The following MRRF variants were observed in gnomAD, a reference collection of about 807,000 sequenced individuals.
The protein encoded by MRRF is mitochondrial ribosome recycling factor.
MRRF carries 18 observed loss-of-function variants against 25.1 expected under a neutral mutation model. The observed-to-expected ratio is 0.72, with a 90% CI of 0.50 to 1.06. The LOEUF is 1.06. Ranked by LOEUF, MRRF falls within the 50% of genes least tolerant of loss-of-function variation. The probability of loss-of-function intolerance (pLI) is 0.00; values close to 1 mark genes in which losing one functional copy is unlikely to be tolerated. For missense variants in MRRF, 323 were observed against 319.3 expected, an observed-to-expected ratio of 1.01 and a Z score of -0.09; for synonymous variants, 113 against 112.1, an observed-to-expected ratio of 1.01 and a Z score of -0.05.
At chr9:122,309,407 C>G (rs1303022632) in intron 5 of MRRF, among the ~76,000 whole-genome samples, 4 of 152,160 alleles carry the variant, frequency 2.6e-5, no homozygotes, top group Admixed American at 2.6e-4. Flanking sequence ...CTTCTTCTTT[C>G]TATACTATCA....
chr9:122,292,851 T>C (rs1833864009), intron 5 of MRRF, among the ~76,000 whole-genome samples: 1 of 152,144 alleles, frequency 6.6e-6, no homozygotes, highest in Non-Finnish European at 1.5e-5. Flanking sequence ...CAGCAAAAGA[T>C]TTAAATCCCT....
chr9:122,322,863 G>A lies in MRRF; in HGVS notation c.*246G>A, dbSNP rs1237506517. 1.0e-5 allele frequency: 6 copies of A among 580,730 alleles called. No individual in the cohort carries two copies. The highest frequency in any genetic ancestry group is 9.3e-5 in the African/African-American group (5 of 53,642). The allele number at this position is 580,730 out of a possible 1,614,324, so 36.0% of individuals were successfully genotyped here. ...CTGCTGGCAAAAGGCCTGTACTCAG[G>A]CATTTGCTTTGACTTGATGTTGCCA... is the stretch of plus-strand genomic sequence containing the variant. On this transcript the variant is annotated 3_prime_UTR_variant, in exon 7 of 7. Coordinates refer to ENST00000344641, the MANE Select transcript of MRRF (RefSeq NM_138777.5).
intron 2 of MRRF, among the ~76,000 whole-genome samples, chr9:122,278,817 A>G (rs1369759564): frequency 4.0e-5 from 6 of 151,498 alleles, no homozygotes; most frequent in Non-Finnish European, 7.4e-5. Context: ...CAGTCACAAC[A>G]TGTCTAGGTG....
At chr9:122,322,508 T>TA in intron 6 of MRRF, 32 bp from the exon 7 acceptor site, 1 of 1,603,578 alleles carries the variant, frequency 6.2e-7, no homozygotes, top group Non-Finnish European at 8.5e-7. Context: ...CCAGCCCCAT[T>TA]AATCAGGCTG....
At chr9:122,304,924 T>C (rs1287929635) in intron 5 of MRRF, among the ~76,000 whole-genome samples, 5 of 151,832 alleles carry the variant, frequency 3.3e-5, no homozygotes, top group Non-Finnish European at 7.4e-5. Flanking sequence ...GGTTACTTGA[T>C]CTGTCTGAAC....
chr9:122,293,648 G>C (rs1013024827), intron 5 of MRRF, among the ~76,000 whole-genome samples: 5 of 152,186 alleles, frequency 3.3e-5, no homozygotes, highest in Non-Finnish European at 7.3e-5. Flanking sequence ...CTAGGTTCAA[G>C]TCTTTCTGCT....
intron 6 of MRRF, among the ~76,000 whole-genome samples, chr9:122,318,504 G>A (rs1835675728): frequency 6.6e-6 from 1 of 152,218 alleles, no homozygotes; most frequent in Non-Finnish European, 1.5e-5. Context: ...TGGCAGACTG[G>A]TGGAAGGCAG....
intron 1 of MRRF, among the ~76,000 whole-genome samples, chr9:122,269,174 A>T (rs984868372): frequency 1.3e-4 from 20 of 151,944 alleles, no homozygotes; most frequent in Admixed American, 9.8e-4. Flanking sequence ...TCAAAAAAAA[A>T]AAAAATAATA....
intron 6 of MRRF, among the ~76,000 whole-genome samples, 174 bp from the exon 7 acceptor site, chr9:122,322,362 CAAAA>C (rs953786106): frequency 1.5e-5 from 2 of 130,026 alleles, no homozygotes; most frequent in African/African-American, 5.7e-5. Flanking sequence ...GACTTTGTCT[CAAAA>C]AAAAAAAAAG....
chr9:122,310,146 G>A (rs1835113146), intron 5 of MRRF, among the ~76,000 whole-genome samples: 1 of 152,180 alleles, frequency 6.6e-6, no homozygotes, highest in Non-Finnish European at 1.5e-5. Context: ...TTTAATTTCT[G>A]TTTCCAAATG....
chr9:122,271,058 C>T lies in MRRF; in HGVS notation c.167C>T (p.Ala56Val), dbSNP rs767934107. The T allele has an allele frequency of 1.9e-6, 3 of 1,614,184 alleles. No homozygotes were observed. In the Admixed American group the frequency reaches 5.0e-5, roughly 27 times the overall value. Residue 56 changes from alanine (A) to valine (V), a missense_variant, in exon 2 of 7, where the codon GCT becomes GTT. Transcript: ENST00000344641. The part of the protein sequence containing the change: ...AYSAVPVRHF[A>V]TKKAKAKGKG... ...TCAGCTGTACCAGTCCGCCATTTTG[C>T]TACCAAGAAAGCCAAAGGTAGAGAC...
chr9:122,287,471 G>C (rs1297612183), intron 4 of MRRF, among the ~76,000 whole-genome samples: 3 of 152,320 alleles, frequency 2.0e-5, no homozygotes, highest in South Asian at 2.1e-4. Flanking sequence ...TCTCCTCCTT[G>C]TTCATCTAAT....
chr9:122,311,297 TC>T (rs1025781045), intron 5 of MRRF, among the ~76,000 whole-genome samples: 3 of 152,218 alleles, frequency 2.0e-5, no homozygotes, highest in South Asian at 4.1e-4. Flanking sequence ...CATGCCCTTC[TC>T]CCCCTCAGCC....
chr9:122,306,788 C>T lies in MRRF; in HGVS notation c.552-6439C>T, dbSNP rs1564505430. On this transcript the variant is annotated intron_variant, in intron 5 of 6. Transcript: ENST00000344641. ...AGAAGACAAGTGACTTAAGACCACTCAGCTGGGAATGTGGAGCTGTGACCC... is the reference window on the plus strand; with the variant it reads ...AGAAGACAAGTGACTTAAGACCACTTAGCTGGGAATGTGGAGCTGTGACCC... 2.6e-5 allele frequency among the ~76,000 whole-genome samples: 4 copies of T among 152,284 alleles called. No individual in the cohort carries two copies. The South Asian group carries it at 6.2e-4, about 24-fold the overall frequency.
At chr9:122,312,463 T>C (rs1169775452) in intron 5 of MRRF, among the ~76,000 whole-genome samples, 1 of 152,230 alleles carries the variant, frequency 6.6e-6, no homozygotes, top group Non-Finnish European at 1.5e-5. Context: ...TAGATGTTAC[T>C]AAATCTTTAA....
At chr9:122,271,108 C>A (rs757471300) in intron 2 of MRRF, 33 bp downstream of exon 2, 3 of 1,576,576 alleles carry the variant, frequency 1.9e-6, no homozygotes, top group Non-Finnish European at 2.6e-6. Flanking sequence ...CCTACTTCAC[C>A]CCTTTCTTAT....
chr9:122,290,603 T>C (rs1833700441), intron 4 of MRRF, among the ~76,000 whole-genome samples: 1 of 152,194 alleles, frequency 6.6e-6, no homozygotes, highest in Non-Finnish European at 1.5e-5. Context: ...CAACCGCCAT[T>C]CATTTAAATT....
intron 1 of MRRF, chr9:122,265,754 A>G: frequency 7.8e-7 from 1 of 1,289,044 alleles, no homozygotes; most frequent in Non-Finnish European, 1.0e-6. Context: ...TTATGAATCT[A>G]AATGGCAGAT....
At chr9:122,274,684 A>C (rs960889203) in intron 2 of MRRF, among the ~76,000 whole-genome samples, 4 of 151,760 alleles carry the variant, frequency 2.6e-5, no homozygotes, top group Non-Finnish European at 4.4e-5. Context: ...CATTTTTTTG[A>C]CCTTTCAAAG....
Sources: allele counts gnomAD v4.1 joint callset (sites outside exome capture counted in the v4.1 genomes callset), GRCh38; gene constraint gnomAD v4.1.1; transcripts MANE v1.5; gene names NCBI Gene and HGNC (gene_info 2026-07-23, HGNC 2026-07-21).